Variants in CLIP2 observed in about 807,000 individuals in gnomAD.
CLIP2 encodes CAP-Gly domain-containing linker protein 2.
CLIP2 carries 41 observed loss-of-function variants against 111.7 expected under a neutral mutation model. The observed-to-expected ratio is 0.37, with a 90% confidence interval of 0.29 to 0.48. The LOEUF (loss-of-function observed/expected upper bound fraction) is 0.48, where lower values mean the gene tolerates loss of function less well. Ranked by LOEUF, CLIP2 falls within the 20% of genes least tolerant of loss-of-function variation. The pLI, the probability that CLIP2 is intolerant of heterozygous loss-of-function variation, is 0.99. For synonymous variants in CLIP2, 660 were observed against 644.2 expected, an observed-to-expected ratio of 1.02 and a Z score of -0.37; for missense variants, 1,160 against 1,422.1, an observed-to-expected ratio of 0.82 and a Z score of 2.96.
Position 74,376,063 on chromosome 7 carries a change from G to A in CLIP2, c.1662G>A (p.Lys554=), listed in dbSNP as rs1554312754. 6.8e-6 allele frequency: 11 copies of A among 1,612,944 alleles called. No homozygotes were observed. Among genetic ancestry groups the A allele is most frequent in the Non-Finnish European group, 9.3e-6 (11 of 1,179,920 alleles). ...RLRERLLSAS[K]EHQRESGVLR... ...GGGAGCGGCTGCTCTCGGCCAGCAA[G>A]GAACACCAGAGGGAGAGTGGGGTGC... Residue 554 remains lysine, a synonymous_variant, in exon 10 of 17, where the codon AAG becomes AAA. Transcript: ENST00000223398. This position sits in a 1 kb window ranked among gnomAD's most constrained non-coding sequence, Gnocchi z 7.1.
At chr7:74,302,359 G>A (rs1788364407) in intron 1 of CLIP2, among the ~76,000 whole-genome samples, 1 of 151,896 alleles carries the variant, frequency 6.6e-6, no homozygotes, top group Admixed American at 6.6e-5. Context: ...GGGATTACAG[G>A]CGCACACCAC....
chr7:74,311,351 CACT>C (rs1788636477), intron 1 of CLIP2, among the ~76,000 whole-genome samples: 1 of 152,162 alleles, frequency 6.6e-6, no homozygotes, highest in African/African-American at 2.4e-5. Context: ...TTTCCACCAA[CACT>C]ACGAGCATTT....
In CLIP2 at chr7:74,338,638, A is replaced by C. The variant is rs1789553349; in HGVS notation, c.312A>C (p.Ala104=). The C allele has an allele frequency of 6.4e-7, 1 of 1,565,472 alleles. No individual in the cohort carries two copies. Among genetic ancestry groups the C allele is most frequent in the Non-Finnish European group, 8.6e-7 (1 of 1,157,596 alleles). The change falls in exon 3 of 17, where the codon GCA becomes GCC. Residue 104 remains alanine, a synonymous_variant. Transcript: ENST00000223398. This position sits in a 1 kb window ranked among gnomAD's most constrained non-coding sequence, Gnocchi z 4.3. The part of the protein sequence containing the change: ...VVQYLGETQF[A]PGQWAGVVLD... ...AGTATCTGGGAGAGACGCAGTTCGC[A>C]CCGGGCCAGTGGGCTGGCGTGGTGC...
At chr7:74,317,336 C>T (rs1788809618) in intron 1 of CLIP2, 144 bp from the exon 2 acceptor site, 6 of 468,744 alleles carry the variant, frequency 1.3e-5, no homozygotes, top group Non-Finnish European at 2.1e-5. Flanking sequence ...GCCTGTGCGG[C>T]AACGGGAGCA....
In CLIP2 at chr7:74,390,157, AGAAAG is replaced by A. The variant is rs1554315574; in HGVS notation, c.2720+899_2720+903del. Among the ~76,000 whole-genome samples the A allele has an allele frequency of 1.4e-3, 69 of 48,830 alleles. 2 individuals carry two copies. The highest frequency in any genetic ancestry group is 1.7e-3 in the Non-Finnish European group (44 of 25,656). 32.0% of individuals were successfully genotyped at this position (48,830 alleles called of 152,430 possible). A position where few individuals can be genotyped will look rare whatever the true frequency, so the allele number is the denominator to read the frequency against. On this transcript the variant is annotated intron_variant, in intron 13 of 16. Transcript: ENST00000223398. Reference sequence around the variant, plus strand: ...GAGAGAAAGAAAGAAAGAAAAAGAAAGAAAGAAGAAAGAAAGAAAGAAAGAAAGAA... The same window carrying A: ...GAGAGAAAGAAAGAAAGAAAAAGAAAAAGAAAGAAAGAAAGAAAGAAAGAA...
intron 3 of CLIP2, among the ~76,000 whole-genome samples, chr7:74,351,063 AAGAGAAAG>A (rs1270957181): frequency 4.2e-5 from 3 of 72,284 alleles, no homozygotes; most frequent in East Asian, 1.1e-3. Flanking sequence ...AGAAGAAAGA[AAGAGAAAG>A]AAAGAAAGAA....
At chr7:74,372,830 C>A in intron 8 of CLIP2, 102 bp from the exon 9 acceptor site, 2 of 634,228 alleles carry the variant, frequency 3.2e-6, no homozygotes, top group South Asian at 1.6e-5. Context: ...CCTCCTCTCT[C>A]TCTCTCTCTC....
At chr7:74,291,607 T>A (rs1043686128) in intron 1 of CLIP2, among the ~76,000 whole-genome samples, 14 of 152,204 alleles carry the variant, frequency 9.2e-5, no homozygotes, top group Non-Finnish European at 1.5e-5. Flanking sequence ...AGATGTCCTA[T>A]AAGTGTTGTT....
chr7:74,364,336 C>G (rs782578842), intron 8 of CLIP2, 21 bp downstream of exon 8: 11 of 1,607,998 alleles, frequency 6.8e-6, no homozygotes, highest in Non-Finnish European at 9.4e-6. Context: ...GAGGCCCCTT[C>G]CCTGGGCACA....
At chr7:74,398,813 AG>A (rs1274389793) in intron 14 of CLIP2, among the ~76,000 whole-genome samples, 3 of 152,204 alleles carry the variant, frequency 2.0e-5, no homozygotes, top group Non-Finnish European at 4.4e-5. Context: ...GCTCAACAGA[AG>A]ATAAGCCCCT....
At chr7:74,371,652 GGA>G (rs1245626251) in intron 8 of CLIP2, among the ~76,000 whole-genome samples, 3 of 138,400 alleles carry the variant, frequency 2.2e-5, no homozygotes, top group East Asian at 2.3e-4. Context: ...AGAGAGGGAG[GGA>G]GAGAGGGAAA....
intron 16 of CLIP2, among the ~76,000 whole-genome samples, chr7:74,402,698 G>A (rs1791654967): frequency 6.6e-6 from 1 of 152,024 alleles, no homozygotes; most frequent in African/African-American, 2.4e-5. Context: ...TCTCTAAGAA[G>A]AACACAGAAA....
At chr7:74,322,641 C>T (rs1282052877) in intron 2 of CLIP2, among the ~76,000 whole-genome samples, 1 of 152,078 alleles carries the variant, frequency 6.6e-6, no homozygotes, top group Non-Finnish European at 1.5e-5. Context: ...TGGCCTCAAG[C>T]AATCCATCCT....
intron 1 of CLIP2, among the ~76,000 whole-genome samples, chr7:74,303,465 A>C (rs1161861683): frequency 6.6e-6 from 1 of 151,324 alleles, no homozygotes; most frequent in Non-Finnish European, 1.5e-5. Context: ...TGCTCAGAGA[A>C]GGGCTCACCA....
At chr7:74,349,472 A>ATATG (rs1789914966) in intron 3 of CLIP2, among the ~76,000 whole-genome samples, 1 of 61,476 alleles carries the variant, frequency 1.6e-5, no homozygotes, top group Non-Finnish European at 3.0e-5. Context: ...GTGTGTGTGT[A>ATATG]TATATATATA....
chr7:74,305,551 TG>T (rs1356135668), intron 1 of CLIP2, among the ~76,000 whole-genome samples: 1 of 152,188 alleles, frequency 6.6e-6, no homozygotes, highest in Admixed American at 6.6e-5. Flanking sequence ...TGGAGTGCAA[TG>T]GCACCATCTC....
intron 6 of CLIP2, among the ~76,000 whole-genome samples, chr7:74,357,820 A>C (rs1554308825): frequency 6.7e-6 from 1 of 150,302 alleles, no homozygotes; most frequent in East Asian, 1.9e-4. Flanking sequence ...GTAGTGGTGC[A>C]ATCTCGGCTC....
intron 3 of CLIP2, among the ~76,000 whole-genome samples, chr7:74,339,687 A>G (rs1231770635): frequency 6.6e-6 from 1 of 152,156 alleles, no homozygotes; most frequent in African/African-American, 2.4e-5. Context: ...GCCTAATACT[A>G]AGTACCCATA....
At chr7:74,351,079 G>T (rs1562703972) in intron 3 of CLIP2, among the ~76,000 whole-genome samples, 2 of 83,882 alleles carry the variant, frequency 2.4e-5, no homozygotes, top group Non-Finnish European at 6.6e-5. Flanking sequence ...AAGAAAGAAA[G>T]AAAGAAAAAG....
Sources: gnomAD v4.1 joint callset for allele counts (sites outside exome capture counted in the v4.1 genomes callset) on GRCh38, gnomAD v4.1.1 for gene constraint, Gnocchi (gnomAD v3.1) non-coding constraint, MANE v1.5 for transcripts, NCBI Gene and HGNC (gene_info 2026-07-23, HGNC 2026-07-21) for gene names.